Variants in FGD3 observed in about 807,000 individuals in gnomAD.
FGD3 encodes the protein FYVE, RhoGEF and PH domain containing 3.
FGD3 carries 45 observed loss-of-function variants against 71.8 expected under a neutral mutation model. The ratio of observed to expected loss-of-function variants is 0.63; its 90% confidence interval spans 0.49 to 0.80. The LOEUF (loss-of-function observed/expected upper bound fraction) is 0.80. Ranked by LOEUF, FGD3 falls within the 30% of genes least tolerant of loss-of-function variation. FGD3 has a pLI of 0.00. For missense variants in FGD3, 844 were observed against 951.5 expected, an observed-to-expected ratio of 0.89 and a Z score of 1.49; for synonymous variants, 378 against 392.8, an observed-to-expected ratio of 0.96 and a Z score of 0.44.
chr9:93,018,360 C>T, intron 11 of FGD3, 145 bp downstream of exon 11: 7 of 703,490 alleles, frequency 1.0e-5, no homozygotes, highest in Non-Finnish European at 1.4e-5. Context: ...CGTCTATGTC[C>T]TGCGCTTGCT....
chr9:92,950,153 T>C (rs1221370849), intron 1 of FGD3, among the ~76,000 whole-genome samples: 4 of 151,942 alleles, frequency 2.6e-5, no homozygotes, highest in South Asian at 2.1e-4. Context: ...CACAGTGGCT[T>C]ACGCCTGTAA....
At chr9:92,987,818 C>T (rs1183584889) in intron 3 of FGD3, among the ~76,000 whole-genome samples, 1 of 152,192 alleles carries the variant, frequency 6.6e-6, no homozygotes, top group Non-Finnish European at 1.5e-5. Flanking sequence ...TCAAGTGTTC[C>T]TAGACGGTCA....
chr9:92,968,227 T>C (rs764193887), intron 1 of FGD3, among the ~76,000 whole-genome samples: 3 of 152,122 alleles, frequency 2.0e-5, no homozygotes, highest in Non-Finnish European at 4.4e-5. Flanking sequence ...GCCAGGGCTA[T>C]GGGTCATGAA....
chr9:93,012,873 C>T (rs557494982), intron 8 of FGD3, among the ~76,000 whole-genome samples: 1 of 152,262 alleles, frequency 6.6e-6, no homozygotes, highest in Non-Finnish European at 1.5e-5. Context: ...ACCCAGCCCT[C>T]TTAGTGCACA....
At chr9:93,020,888 T>C (rs1479736880) in intron 13 of FGD3, among the ~76,000 whole-genome samples, 2 of 152,232 alleles carry the variant, frequency 1.3e-5, no homozygotes, top group African/African-American at 4.8e-5. Context: ...TGCAGCCTGC[T>C]GGGCCCCAGG....
chr9:92,976,673 C>A lies in FGD3; in HGVS notation c.417C>A (p.Thr139=). The part of the protein sequence containing the change: ...DVGEEPDSEN[T]PQKADKDAGL... ...GTGAGGAACCTGACTCTGAGAACAC[C>A]CCCCAGAAGGCTGACAAGGATGCCG... Residue 139 remains threonine, a synonymous_variant, in exon 3 of 18, where the codon ACC becomes ACA. Coordinates refer to ENST00000375482, the MANE Select transcript of FGD3 (RefSeq NM_001083536.2). 1.9e-6 allele frequency: 3 copies of A among 1,605,550 alleles called. No homozygotes were observed. The highest frequency in any genetic ancestry group is 2.6e-6 in the Non-Finnish European group (3 of 1,175,846).
intron 14 of FGD3, among the ~76,000 whole-genome samples, chr9:93,023,744 C>CG (rs1862014734): frequency 6.6e-6 from 1 of 151,674 alleles, no homozygotes; most frequent in African/African-American, 2.4e-5. Context: ...TAGCCTGCCC[C>CG]GGGGGACCCT....
Position 93,003,085 on chromosome 9 carries a change from A to G in FGD3, c.543+71A>G, listed in dbSNP as rs1587844425. On this transcript the variant is annotated intron_variant, in intron 4 of 17. Coordinates refer to ENST00000375482, the MANE Select transcript of FGD3 (RefSeq NM_001083536.2). This position sits in a 1 kb window ranked among gnomAD's most constrained non-coding sequence, Gnocchi z 4.1. ...GCTGGGCATTATAGGTGCAGTGTGAATGACTTAAATACTAAAACTCAGACA... is the reference window on the plus strand; with the variant it reads ...GCTGGGCATTATAGGTGCAGTGTGAGTGACTTAAATACTAAAACTCAGACA... The G allele has an allele frequency of 7.2e-7, 1 of 1,383,140 alleles. No individual in the cohort carries two copies. The highest frequency in any genetic ancestry group is 2.3e-5 in the East Asian group (1 of 43,616). 85.7% of individuals were successfully genotyped at this position (1,383,140 alleles called of 1,614,324 possible). A position where few individuals can be genotyped will look rare whatever the true frequency, so the allele number is the denominator to read the frequency against.
chr9:93,020,318 T>A lies in FGD3; in HGVS notation c.1388T>A (p.Ile463Asn), dbSNP rs1257951935. Residue 463 changes from isoleucine (I) to asparagine (N), a missense_variant and splice_region_variant, in exon 13 of 18, where the codon ATC (isoleucine) becomes AAC (asparagine). Transcript: ENST00000375482. Reference protein sequence around the residue: ...TEEEKKEWIQIIQATIEKHKQ... With the variant: ...TEEEKKEWIQNIQATIEKHKQ... ...TCACTGTTGTGTTGCTGTGTCCAGA[T>A]CATCCAGGCCACCATCGAGAAGCAC... 3 of 1,610,494 alleles carry A rather than the reference T, an allele frequency of 1.9e-6. No homozygotes were observed. Among genetic ancestry groups the A allele is most frequent in the Non-Finnish European group, 2.5e-6 (3 of 1,178,500 alleles).
At chr9:92,974,957 C>G (rs865972134) in intron 1 of FGD3, among the ~76,000 whole-genome samples, 1 of 152,204 alleles carries the variant, frequency 6.6e-6, no homozygotes, top group Non-Finnish European at 1.5e-5. Flanking sequence ...TGGCAAGGGA[C>G]AAGCTCAGCC....
intron 10 of FGD3, among the ~76,000 whole-genome samples, chr9:93,016,158 C>T (rs1232156232): frequency 2.6e-5 from 4 of 152,040 alleles, no homozygotes; most frequent in Admixed American, 6.6e-5. Flanking sequence ...GACTGGGACT[C>T]GGGGCCCTAT....
Position 92,976,514 on chromosome 9 carries a change from T to G in FGD3, c.258T>G (p.Ala86=). The change falls in exon 3 of 18, where the codon GCT becomes GCG. Residue 86 remains alanine, a synonymous_variant. Transcript: ENST00000375482. ...TCGACAGTCCCTCCTCCAGTGTGGC[T>G]GGAGAGAACTTTCCCTGCGAGGAGG... ...SGIDSPSSSV[A]GENFPCEEGL... 6.2e-7 allele frequency: 1 copy of G among 1,612,488 alleles called. No homozygotes were observed. Among genetic ancestry groups the G allele is most frequent in the Non-Finnish European group, 8.5e-7 (1 of 1,179,762 alleles).
chr9:93,026,713 C>A (rs1478473481), intron 14 of FGD3, among the ~76,000 whole-genome samples: 1 of 152,224 alleles, frequency 6.6e-6, no homozygotes, highest in East Asian at 1.9e-4. Context: ...AGAGGCCAAG[C>A]TCTTGCTGTG....
chr9:93,011,072 C>A, intron 7 of FGD3, 142 bp from the exon 8 acceptor site: 1 of 828,074 alleles, frequency 1.2e-6, no homozygotes, highest in Non-Finnish European at 2.0e-6. Context: ...CTGGGCCAGT[C>A]CTCTAGAGTA....
intron 3 of FGD3, among the ~76,000 whole-genome samples, chr9:92,994,354 A>G (rs925011360): frequency 2.6e-5 from 4 of 152,002 alleles, no homozygotes; most frequent in Non-Finnish European, 5.9e-5. Flanking sequence ...TTCATTGTAG[A>G]TTCTGGATAT....
chr9:93,027,400 G>A (rs917272169), intron 14 of FGD3, among the ~76,000 whole-genome samples: 1 of 152,166 alleles, frequency 6.6e-6, no homozygotes, highest in Non-Finnish European at 1.5e-5. Context: ...ACCTTGGCTT[G>A]GAGATGTCAG....
rs770438386 is a variant in FGD3 at position 93,003,030 on chromosome 9, TG to T, written c.543+21del. ...GCTGGACCAGGTAGCCCACATGGCT[TG>T]GGGGCAGTTTCAGTATCTCTTAGCA... On this transcript the variant is annotated intron_variant, in intron 4 of 17. Transcript: ENST00000375482. The surrounding 1 kb of genome is among the most constrained non-coding windows in gnomAD (Gnocchi z 4.1). The T allele has an allele frequency of 1.2e-6, 2 of 1,612,814 alleles. No individual in the cohort carries two copies. The highest frequency in any genetic ancestry group is 1.7e-6 in the Non-Finnish European group (2 of 1,178,912).
intron 14 of FGD3, among the ~76,000 whole-genome samples, chr9:93,022,660 C>G (rs1381373805): frequency 6.6e-6 from 1 of 152,126 alleles, no homozygotes; most frequent in Non-Finnish European, 1.5e-5. Context: ...GTGGGGATGT[C>G]CATTACCTGG....
chr9:93,032,723 CCT>C, intron 15 of FGD3, 44 bp from the exon 16 acceptor site: 1 of 1,577,998 alleles, frequency 6.3e-7, no homozygotes, highest in Non-Finnish European at 8.7e-7. Context: ...CCTGGATAAT[CCT>C]CTGTCCCAGG....
Sources: allele counts gnomAD v4.1 joint callset (sites outside exome capture counted in the v4.1 genomes callset), GRCh38; gene constraint gnomAD v4.1.1; non-coding constraint Gnocchi (gnomAD v3.1); transcripts MANE v1.5; gene names NCBI Gene and HGNC (gene_info 2026-07-23, HGNC 2026-07-21).